PTPRM: variants seen among roughly 807,000 people sequenced by gnomAD.
The protein encoded by PTPRM is protein tyrosine phosphatase receptor type M.
PTPRM carries 47 observed loss-of-function variants against 186.7 expected under a neutral mutation model. That is an observed-to-expected ratio of 0.25 (90% CI 0.20 to 0.32). The LOEUF is 0.32. PTPRM is among the 10% of genes least tolerant of loss of function. The probability of loss-of-function intolerance (pLI) is 1.00; values close to 1 mark genes in which losing one functional copy is unlikely to be tolerated. For synonymous variants in PTPRM, 668 were observed against 674.9 expected (o/e 0.99, Z 0.16); for missense variants, 1,494 against 1,865.0 (o/e 0.80, Z 3.66).
chr18:7,798,731 T>C (rs2043801652), intron 2 of PTPRM, among the ~76,000 whole-genome samples: 1 of 152,204 alleles, frequency 6.6e-6, no homozygotes. Context: ...TTCTCTCTCC[T>C]TATGTCTTCT....
chr18:7,889,324 C>A (rs368954808), intron 3 of PTPRM, among the ~76,000 whole-genome samples: 2 of 114,108 alleles, frequency 1.8e-5, no homozygotes, highest in African/African-American at 4.0e-5. Flanking sequence ...AATATATTTT[C>A]TTTTCTTTCT....
At chr18:8,258,801 A>T (rs574868117) in intron 19 of PTPRM, among the ~76,000 whole-genome samples, 65 of 152,312 alleles carry the variant, frequency 4.3e-4, no homozygotes, top group African/African-American at 1.5e-3. Context: ...GCACAAAAAA[A>T]TGATTTCCAA....
Position 7,948,955 on chromosome 18 carries a change from T to C in PTPRM, c.664-226T>C, listed in dbSNP as rs779114676. Among the ~76,000 whole-genome samples, 38 of 152,212 alleles carry C rather than the reference T, an allele frequency of 2.5e-4. 1 individual carries two copies. The highest frequency in any genetic ancestry group is 1.0e-4 in the Non-Finnish European group (7 of 68,042). ...ATTTTGAAGAGGCAAAAACAAAAAA[T>C]GTCTTCACACTTAATTTTGCATCGC... is the stretch of plus-strand genomic sequence containing the variant. On this transcript the variant is annotated intron_variant, in intron 5 of 32. Coordinates refer to ENST00000580170, the MANE Select transcript of PTPRM (RefSeq NM_001105244.2).
At chr18:8,192,694 A>C (rs1372036155) in intron 14 of PTPRM, among the ~76,000 whole-genome samples, 2 of 152,226 alleles carry the variant, frequency 1.3e-5, no homozygotes, top group African/African-American at 4.8e-5. Context: ...TGTAGAAATG[A>C]TAAGATTAGA....
At chr18:8,076,900 C>A (rs552045689) in intron 9 of PTPRM, among the ~76,000 whole-genome samples, 103 of 152,200 alleles carry the variant, frequency 6.8e-4, no homozygotes, top group African/African-American at 2.3e-3. Context: ...GAATTCTATT[C>A]TTGCTTAGCT....
At chr18:7,687,640 A>G (rs1810574601) in intron 1 of PTPRM, among the ~76,000 whole-genome samples, 5 of 152,204 alleles carry the variant, frequency 3.3e-5, no homozygotes, top group South Asian at 2.1e-4. Flanking sequence ...GAAGATGTTT[A>G]TATCAGGTAG....
chr18:7,741,941 C>T (rs570772294), intron 1 of PTPRM: 6 of 152,246 alleles, frequency 3.9e-5, no homozygotes, highest in Non-Finnish European at 7.4e-5. Flanking sequence ...TTGTCAAGAG[C>T]TATTGTTATT....
intron 22 of PTPRM, among the ~76,000 whole-genome samples, chr18:8,325,089 G>A (rs751694421): frequency 2.0e-5 from 3 of 152,110 alleles, no homozygotes; most frequent in Non-Finnish European, 4.4e-5. Context: ...GTGTGACCTT[G>A]GACAAGTTAC....
intron 1 of PTPRM, among the ~76,000 whole-genome samples, chr18:7,703,415 T>C (rs2040008024): frequency 6.6e-6 from 1 of 152,218 alleles, no homozygotes; most frequent in African/African-American, 2.4e-5. Flanking sequence ...TTCTTAGGTA[T>C]TTAATTCTCT....
intron 1 of PTPRM, among the ~76,000 whole-genome samples, chr18:7,772,365 T>TTCTTTCTTTCTTTCTTTCTTTCTTTC: frequency 2.2e-4 from 16 of 71,120 alleles, no homozygotes; most frequent in African/African-American, 6.3e-4. Flanking sequence ...CTTTCTTTCT[T>TTCTTTCTTTCTTTCTTTCTTTCTTTC]TCTTTCTTTC....
At chr18:7,722,161 T>C (rs2040458720) in intron 1 of PTPRM, among the ~76,000 whole-genome samples, 1 of 152,244 alleles carries the variant, frequency 6.6e-6, no homozygotes, top group Admixed American at 6.5e-5. Flanking sequence ...ATTCACCCTT[T>C]TGTCCCACTA....
chr18:7,954,067 A>T (rs538096647), intron 6 of PTPRM, among the ~76,000 whole-genome samples: 1 of 152,324 alleles, frequency 6.6e-6, no homozygotes, highest in East Asian at 1.9e-4. Flanking sequence ...GATCTCATTT[A>T]TCATGTGTGG....
At chr18:7,959,279 G>T (rs1235034920) in intron 7 of PTPRM, among the ~76,000 whole-genome samples, 1 of 152,076 alleles carries the variant, frequency 6.6e-6, no homozygotes, top group African/African-American at 2.4e-5. Flanking sequence ...TAGAAATATT[G>T]CTTATCTGGG....
chr18:7,763,784 T>G (rs974667525), intron 1 of PTPRM, among the ~76,000 whole-genome samples: 4 of 152,206 alleles, frequency 2.6e-5, no homozygotes, highest in South Asian at 2.1e-4. Flanking sequence ...TAGTTGGCTG[T>G]CTGTTTTAAG....
At chr18:7,860,485 G>A (rs147866793) in intron 2 of PTPRM, among the ~76,000 whole-genome samples, 437 of 152,236 alleles carry the variant, frequency 2.9e-3, no homozygotes, top group Middle Eastern at 6.8e-3. Context: ...GGTCTGTCTT[G>A]TTCAATCTCA....
At chr18:7,852,207 G>C (rs944712376) in intron 2 of PTPRM, among the ~76,000 whole-genome samples, 1 of 152,136 alleles carries the variant, frequency 6.6e-6, no homozygotes, top group Admixed American at 6.5e-5. Context: ...TGTTAGATCA[G>C]ATAAAAAAGG....
At chr18:7,592,782 T>C (rs1320342021) in intron 1 of PTPRM, among the ~76,000 whole-genome samples, 1 of 152,200 alleles carries the variant, frequency 6.6e-6, no homozygotes, top group Non-Finnish European at 1.5e-5. Flanking sequence ...AGGGTTTGAT[T>C]GATAAATACA....
At chr18:7,857,655 G>A (rs916057669) in intron 2 of PTPRM, among the ~76,000 whole-genome samples, 5 of 151,960 alleles carry the variant, frequency 3.3e-5, no homozygotes, top group Non-Finnish European at 7.4e-5. Flanking sequence ...CACTCCTCAG[G>A]GCCATTCATC....
At chr18:7,671,077 G>A (rs900978047) in intron 1 of PTPRM, among the ~76,000 whole-genome samples, 8 of 152,196 alleles carry the variant, frequency 5.3e-5, no homozygotes, top group South Asian at 2.1e-4. Flanking sequence ...CATTTTTATC[G>A]TTGAATGAGT....
Sources: gnomAD v4.1 joint callset for allele counts (sites outside exome capture counted in the v4.1 genomes callset) on GRCh38, gnomAD v4.1.1 for gene constraint, MANE v1.5 for transcripts, NCBI Gene and HGNC (gene_info 2026-07-23, HGNC 2026-07-21) for gene names.